Variants in GABRG2 observed in about 807,000 individuals in gnomAD.
GABRG2 encodes the protein gamma-aminobutyric acid type A receptor subunit gamma2, also known as gamma-aminobutyric acid receptor subunit gamma-2.
GABRG2 carries 16 observed loss-of-function variants against 56.4 expected under a neutral mutation model. The ratio of observed to expected loss-of-function variants is 0.28; its 90% CI spans 0.19 to 0.43. GABRG2 has a LOEUF of 0.43. GABRG2 is among the 20% of genes least tolerant of loss of function. The probability of loss-of-function intolerance (pLI) is 1.00; values close to 1 mark genes in which losing one functional copy is unlikely to be tolerated. For synonymous variants in GABRG2, 208 were observed against 205.5 expected, an observed-to-expected ratio of 1.01 and a Z score of -0.10; for missense variants, 327 against 582.7, an observed-to-expected ratio of 0.56 and a Z score of 4.52.
chr5:162,151,585 C>T lies in GABRG2; in HGVS notation c.1129-145C>T, dbSNP rs1415396639. On this transcript the variant is annotated intron_variant, in intron 8 of 9. Transcript: ENST00000639213. Reference sequence around the variant, plus strand: ...TTATCCCAAGCTCAGAACTCTCCTTCTGTGTTTATAATTTCAGTTCATTTC... The same window carrying T: ...TTATCCCAAGCTCAGAACTCTCCTTTTGTGTTTATAATTTCAGTTCATTTC... 5.8e-6 allele frequency: 4 copies of T among 692,020 alleles called. No homozygotes were observed. In the East Asian group the frequency reaches 1.1e-4, roughly 19 times the overall value. The allele number at this position is 692,020 out of a possible 1,614,324, so 42.9% of individuals were successfully genotyped here.
At chr5:162,074,232 A>G (rs1414818150) in intron 1 of GABRG2, among the ~76,000 whole-genome samples, 2 of 152,020 alleles carry the variant, frequency 1.3e-5, no homozygotes, top group Admixed American at 1.3e-4. Flanking sequence ...AAGAGCACAA[A>G]CTATGGCAAT....
rs376466092 is a variant in GABRG2 at position 162,155,083 on chromosome 5, G to C, written c.*1715G>C. The C allele has an allele frequency of 1.3e-5, 2 of 152,588 alleles. No homozygotes were observed. The highest frequency in any genetic ancestry group is 4.1e-4 in the South Asian group (2 of 4,820). The allele number at this position is 152,588 out of a possible 1,614,324, so 9.5% of individuals were successfully genotyped here. A position where few individuals can be genotyped will look rare whatever the true frequency, so the allele number is the denominator to read the frequency against. ...CAGATAACCTAAAAAGAATAGAAAA[G>C]AAGAGAGAGTGGCTTTGTCAGTATA... On this transcript the variant is annotated 3_prime_UTR_variant, in exon 10 of 10. Transcript: ENST00000639213.
intron 1 of GABRG2, among the ~76,000 whole-genome samples, chr5:162,073,000 C>T (rs1758799228): frequency 6.6e-6 from 1 of 151,488 alleles, no homozygotes; most frequent in Non-Finnish European, 1.5e-5. Context: ...CAATAGTGTT[C>T]CTAGAAGTGT....
intron 6 of GABRG2, among the ~76,000 whole-genome samples, chr5:162,133,903 T>C (rs900028843): frequency 1.3e-5 from 2 of 152,154 alleles, no homozygotes; most frequent in Non-Finnish European, 2.9e-5. Flanking sequence ...CTGCTTTTGT[T>C]GAGGCAGAGG....
At chr5:162,077,073 CTGTGTG>C (rs55938019) in intron 1 of GABRG2, among the ~76,000 whole-genome samples, 40,099 of 146,584 alleles carry the variant, frequency 0.27, 5,617 homozygotes, top group South Asian at 0.34. Context: ...ACAACTACCC[CTGTGTG>C]TGTGTGTGTG....
chr5:162,093,743 T>C (rs1760786202), intron 1 of GABRG2, 85 bp from the exon 2 acceptor site: 2 of 1,277,528 alleles, frequency 1.6e-6, no homozygotes. Flanking sequence ...TCCTGTTTTA[T>C]TTCTTCTTTT....
chr5:162,129,879 GATCT>G (rs1340229205), intron 6 of GABRG2, among the ~76,000 whole-genome samples: 3 of 151,764 alleles, frequency 2.0e-5, no homozygotes, highest in African/African-American at 7.3e-5. Context: ...GGTTTTCAGA[GATCT>G]ATTATTTAAT....
In GABRG2 at chr5:162,101,374, C is replaced by T. The variant is rs1761404343; in HGVS notation, c.631+57C>T. ...CCCTCACCTACAGTCTTTCTGATTGCCATGTTAATTAATTGAAAGAAGCAT... is the reference window on the plus strand; with the variant it reads ...CCCTCACCTACAGTCTTTCTGATTGTCATGTTAATTAATTGAAAGAAGCAT... On this transcript the variant is annotated intron_variant, in intron 5 of 9. Coordinates refer to ENST00000639213, the MANE Select transcript of GABRG2 (RefSeq NM_198904.4). The T allele has an allele frequency of 4.4e-6, 5 of 1,132,650 alleles. No individual in the cohort carries two copies. In the South Asian group the frequency reaches 4.9e-5, roughly 11 times the overall value. 70.2% of individuals were successfully genotyped at this position (1,132,650 alleles called of 1,614,324 possible). A position where few individuals can be genotyped will look rare whatever the true frequency, so the allele number is the denominator to read the frequency against.
intron 6 of GABRG2, among the ~76,000 whole-genome samples, chr5:162,125,599 A>G (rs1438627177): frequency 6.6e-6 from 1 of 151,832 alleles, no homozygotes; most frequent in African/African-American, 2.4e-5. Flanking sequence ...AGGCAAGAAG[A>G]CACGTCAGTT....
At chr5:162,082,652 CTG>C (rs1418525083) in intron 1 of GABRG2, among the ~76,000 whole-genome samples, 1 of 151,644 alleles carries the variant, frequency 6.6e-6, no homozygotes, top group Non-Finnish European at 1.5e-5. Flanking sequence ...TAAGAGATGT[CTG>C]TGAATAAACA....
At chr5:162,067,737 C>T (rs966663269), upstream of GABRG2, 18 of 609,926 alleles carry the variant, frequency 3.0e-5, no homozygotes, top group African/African-American at 3.3e-4. Flanking sequence ...CTCCCCCTGC[C>T]TCGATGATAT....
intron 8 of GABRG2, chr5:162,151,437 C>G: frequency 3.2e-6 from 1 of 313,762 alleles, no homozygotes. Context: ...ACAGGGGAAC[C>G]AGGCAATAGA....
intron 1 of GABRG2, among the ~76,000 whole-genome samples, chr5:162,080,212 A>G (rs1028585497): frequency 2.0e-5 from 3 of 152,202 alleles, no homozygotes; most frequent in African/African-American, 7.2e-5. Flanking sequence ...ACAGTAAACA[A>G]ACAAACTAAA....
At chr5:162,101,182 C>A (rs1761385925) in intron 4 of GABRG2, 53 bp from the exon 5 acceptor site, 2 of 1,224,792 alleles carry the variant, frequency 1.6e-6, no homozygotes, top group Middle Eastern at 3.8e-4. Flanking sequence ...TGCAAATTTA[C>A]AATTTAAAAT....
chr5:162,093,086 GA>G (rs1760732420), intron 1 of GABRG2, among the ~76,000 whole-genome samples: 1 of 152,142 alleles, frequency 6.6e-6, no homozygotes, highest in Non-Finnish European at 1.5e-5. Context: ...TGAATATAAT[GA>G]AAGAATATTA....
At position 162,141,196 on chromosome 5, in the gene GABRG2, C is replaced by G. The variant is rs913874100; in HGVS notation, c.770-968C>G. Among the ~76,000 whole-genome samples, 3 of 152,084 alleles carry G rather than the reference C, an allele frequency of 2.0e-5. No homozygotes were observed. The South Asian group carries it at 6.2e-4, about 32-fold the overall frequency. ...GGACTACAGGCGCCCGCCACACCAC[C>G]AGGCTAATTTTTTGTATTTTTTAGT... On this transcript the variant is annotated intron_variant, in intron 6 of 9. Coordinates refer to ENST00000639213, the MANE Select transcript of GABRG2 (RefSeq NM_198904.4).
chr5:162,093,605 A>C (rs1760775879), intron 1 of GABRG2, among the ~76,000 whole-genome samples: 1 of 152,160 alleles, frequency 6.6e-6, no homozygotes, highest in Non-Finnish European at 1.5e-5. Flanking sequence ...AACATGGTTT[A>C]TTTGTCCATG....
At chr5:162,078,869 T>C in intron 1 of GABRG2, among the ~76,000 whole-genome samples, 1 of 151,784 alleles carries the variant, frequency 6.6e-6, no homozygotes, top group East Asian at 1.9e-4. Context: ...TTATTGTATT[T>C]TAAAGCCTGA....
At chr5:162,100,430 A>G (rs912709327) in intron 4 of GABRG2, 14 of 152,138 alleles carry the variant, frequency 9.2e-5, no homozygotes, top group African/African-American at 3.1e-4. Context: ...ACCCATTACC[A>G]TTACAATTTG....
Sources: gnomAD v4.1 joint callset for allele counts (sites outside exome capture counted in the v4.1 genomes callset) on GRCh38, gnomAD v4.1.1 for gene constraint, MANE v1.5 for transcripts, NCBI Gene and HGNC (gene_info 2026-07-23, HGNC 2026-07-21) for gene names.